IRF9: variants seen among roughly 807,000 people sequenced by gnomAD.
IRF9 encodes IFN-alpha-responsive transcription factor subunit.
In IRF9, 13 loss-of-function variants were observed where a neutral mutation model predicts 44.1. The observed-to-expected ratio is 0.29, with a 90% confidence interval of 0.19 to 0.47. The LOEUF is 0.47. IRF9 is among the 20% of genes least tolerant of loss of function. The pLI, the probability that IRF9 is intolerant of heterozygous loss-of-function variation, is 1.00. For synonymous variants in IRF9, 189 were observed against 188.5 expected, an observed-to-expected ratio of 1.00 and a Z score of -0.02; for missense variants, 373 against 496.1, an observed-to-expected ratio of 0.75 and a Z score of 2.36.
chr14:24,163,816 A>G (rs1237131475), intron 4 of IRF9, 62 bp from the exon 5 acceptor site: 29 of 1,509,202 alleles, frequency 1.9e-5, no homozygotes, highest in Non-Finnish European at 2.5e-5. Context: ...CAGCCTGGGC[A>G]ACAAGAGTGA....
rs1215880980 is a variant in IRF9, at chr14:24,164,229, G to A, written c.649+95G>A. On this transcript the variant is annotated intron_variant, in intron 6 of 8. Transcript: ENST00000396864. This position sits in a 1 kb window ranked among gnomAD's most constrained non-coding sequence, Gnocchi z 5.2. Reference sequence around the variant, plus strand: ...ATTATCTAGTCAGTCAGGGCTTACAGCAAACTGTACCCACATTACCATAGC... The same window carrying A: ...ATTATCTAGTCAGTCAGGGCTTACAACAAACTGTACCCACATTACCATAGC... 1.7e-5 allele frequency: 18 copies of A among 1,076,632 alleles called. No homozygotes were observed. The Admixed American group carries it at 3.2e-4, about 19-fold the overall frequency. The allele number at this position is 1,076,632 out of a possible 1,614,324, so 66.7% of individuals were successfully genotyped here.
At chr14:24,165,526 G>A (rs2038512139) in intron 7 of IRF9, 1 of 524,618 alleles carries the variant, frequency 1.9e-6, no homozygotes, top group East Asian at 3.3e-5. Flanking sequence ...GGGAGGATGT[G>A]AGCAAGTAGC....
Position 24,164,039 on chromosome 14 carries a change from C to G in IRF9, c.578-24C>G. On this transcript the variant is annotated intron_variant, in intron 5 of 8. Coordinates refer to ENST00000396864, the MANE Select transcript of IRF9 (RefSeq NM_006084.5). The surrounding 1 kb of genome is among the most constrained non-coding windows in gnomAD (Gnocchi z 5.2). ...GACTCCCCAGTCCCACTCTGAATGA[C>G]CAGTGCCTTTGCTTCCCTTCCAGTT... is the stretch of plus-strand genomic sequence containing the variant. The G allele has an allele frequency of 1.2e-6, 2 of 1,613,590 alleles. No individual in the cohort carries two copies. The highest frequency in any genetic ancestry group is 1.7e-6 in the Non-Finnish European group (2 of 1,179,552).
At chr14:24,163,609 G>A in intron 4 of IRF9, 101 bp downstream of exon 4, 1 of 1,387,532 alleles carries the variant, frequency 7.2e-7, no homozygotes, top group Non-Finnish European at 9.9e-7. Flanking sequence ...GGCCGAGGCT[G>A]GCAGATCACG....
At position 24,164,273 on chromosome 14, in the gene IRF9, G is replaced by A; in HGVS notation, c.649+139G>A. On this transcript the variant is annotated intron_variant, in intron 6 of 8. Coordinates refer to ENST00000396864, the MANE Select transcript of IRF9 (RefSeq NM_006084.5). The surrounding 1 kb of genome is among the most constrained non-coding windows in gnomAD (Gnocchi z 5.2). Reference sequence around the variant, plus strand: ...CCATAGCCCTAGGCAGTGGTTTCTAGGTGGCGAGAATTCCATATGCCTGGC... The same window carrying A: ...CCATAGCCCTAGGCAGTGGTTTCTAAGTGGCGAGAATTCCATATGCCTGGC... The A allele has an allele frequency of 1.3e-6, 1 of 776,592 alleles. No individual in the cohort carries two copies. The highest frequency in any genetic ancestry group is 1.7e-5 in the South Asian group (1 of 58,048). The allele number at this position is 776,592 out of a possible 1,614,324, so 48.1% of individuals were successfully genotyped here. A position where few individuals can be genotyped will look rare whatever the true frequency, so the allele number is the denominator to read the frequency against.
intron 8 of IRF9, 43 bp from the exon 9 acceptor site, chr14:24,166,079 G>A (rs1429694236): frequency 6.2e-7 from 1 of 1,603,228 alleles, no homozygotes; most frequent in Middle Eastern, 1.7e-4. Context: ...GTCTGTCCCT[G>A]ATGCACGCAC....
At chr14:24,161,699 C>CAG (rs796916404) in intron 1 of IRF9, among the ~76,000 whole-genome samples, 10 of 152,250 alleles carry the variant, frequency 6.6e-5, no homozygotes, top group African/African-American at 2.2e-4. Flanking sequence ...GGGTGGGGGT[C>CAG]AGGCTAGGTT....
chr14:24,162,061 T>C (rs1036595288), intron 1 of IRF9, 83 bp from the exon 2 acceptor site: 2 of 1,326,786 alleles, frequency 1.5e-6, no homozygotes, highest in African/African-American at 2.9e-5. Flanking sequence ...GTTGCCAGAA[T>C]CTAGTCTCAA....
intron 7 of IRF9, 167 bp downstream of exon 7, chr14:24,165,122 G>T: frequency 2.7e-6 from 2 of 744,706 alleles, no homozygotes; most frequent in Non-Finnish European, 2.4e-6. Context: ...GTGGCCATAT[G>T]CCCAGCCTGG....
rs955762978 is a variant in IRF9 at position 24,163,138 on chromosome 14, G to T, written c.353G>T (p.Gly118Val). 1 of 1,613,904 alleles carries T rather than the reference G, an allele frequency of 6.2e-7. No homozygotes were observed. The highest frequency in any genetic ancestry group is 1.7e-5 in the Admixed American group (1 of 60,016). ...PYKVYQLLPP[G>V]IVSGQPGTQK... Reference sequence around the variant, plus strand: ...AAGGTGTATCAGTTGCTGCCACCAGGAATCGTCTCTGGTGAGTTTCCCCTT... The same window carrying T: ...AAGGTGTATCAGTTGCTGCCACCAGTAATCGTCTCTGGTGAGTTTCCCCTT... Residue 118 changes from glycine to valine, a missense_variant, in exon 3 of 9, where the codon GGA (glycine) becomes GTA (valine). Around this residue, in one of 2 missense-constraint regions of IRF9, gnomAD observed 227 missense variants for 255.3 expected, o/e 0.89. Transcript: ENST00000396864.
Position 24,166,282 on chromosome 14 carries a change from C to A in IRF9, c.*86C>A, listed in dbSNP as rs899530695. The A allele has an allele frequency of 3.4e-6, 4 of 1,160,366 alleles. No homozygotes were observed. Among genetic ancestry groups the A allele is most frequent in the East Asian group, 2.5e-5 (1 of 40,710 alleles). The allele number at this position is 1,160,366 out of a possible 1,614,324, so 71.9% of individuals were successfully genotyped here. On this transcript the variant is annotated 3_prime_UTR_variant, in exon 9 of 9. Transcript: ENST00000396864. ...CTCATTCTTCACACGATTGACCTGTCCTCTTTGTGATAATTCTCAGTAGTT... is the reference window on the plus strand; with the variant it reads ...CTCATTCTTCACACGATTGACCTGTACTCTTTGTGATAATTCTCAGTAGTT...
Position 24,164,578 on chromosome 14 carries a change from C to A in IRF9, c.650-36C>A. 10 of 1,534,990 alleles carry A rather than the reference C, an allele frequency of 6.5e-6. No individual in the cohort carries two copies. The highest frequency in any genetic ancestry group is 8.8e-6 in the Non-Finnish European group (10 of 1,132,804). ...GGAGGGGCTGCTGCCAGCCTGCATG[C>A]TCCTCCAGCACCAGGTAGGGCTGTT... On this transcript the variant is annotated intron_variant, in intron 6 of 8. Transcript: ENST00000396864. This position sits in a 1 kb window ranked among gnomAD's most constrained non-coding sequence, Gnocchi z 5.2.
At chr14:24,162,076 C>A in intron 1 of IRF9, 68 bp from the exon 2 acceptor site, 1 of 1,466,744 alleles carries the variant, frequency 6.8e-7, no homozygotes, top group Non-Finnish European at 9.3e-7. Flanking sequence ...TCTCAATGGC[C>A]AGGGTCTCAG....
At position 24,162,254 on chromosome 14, in the gene IRF9, T is replaced by A; in HGVS notation, c.110T>A (p.Met37Lys). 1 of 1,614,156 alleles carries A rather than the reference T, an allele frequency of 6.2e-7. No individual in the cohort carries two copies. The highest frequency in any genetic ancestry group is 2.2e-5 in the East Asian group (1 of 44,876). The change falls in exon 2 of 9, where the codon ATG becomes AAG. Residue 37 changes from methionine (M) to lysine (K), a missense_variant. By Grantham distance (95) the Met-to-Lys change is moderately conservative (BLOSUM62 -1). Around this residue, in one of 2 missense-constraint regions of IRF9, gnomAD observed 227 missense variants for 255.3 expected, o/e 0.89. Coordinates refer to ENST00000396864, the MANE Select transcript of IRF9 (RefSeq NM_006084.5). Reference sequence around the variant, plus strand: ...TGCTGGGATGATACAGCTAAGACCATGTTCCGGATTCCCTGGAAACATGCA... The same window carrying A: ...TGCTGGGATGATACAGCTAAGACCAAGTTCCGGATTCCCTGGAAACATGCA... ...GVCWDDTAKT[M>K]FRIPWKHAGK...
At position 24,164,598 on chromosome 14, in the gene IRF9, G is replaced by A. The variant is rs1194825046; in HGVS notation, c.650-16G>A. On this transcript the variant is annotated splice_polypyrimidine_tract_variant and intron_variant, in intron 6 of 8. Coordinates refer to ENST00000396864, the MANE Select transcript of IRF9 (RefSeq NM_006084.5). The surrounding 1 kb of genome is among the most constrained non-coding windows in gnomAD (Gnocchi z 5.2). Reference sequence around the variant, plus strand: ...GCATGCTCCTCCAGCACCAGGTAGGGCTGTTCTATCCCCAGACTACTCACT... The same window carrying A: ...GCATGCTCCTCCAGCACCAGGTAGGACTGTTCTATCCCCAGACTACTCACT... 3 of 1,569,398 alleles carry A rather than the reference G, an allele frequency of 1.9e-6. No individual in the cohort carries two copies. The highest frequency in any genetic ancestry group is 2.3e-5 in the East Asian group (1 of 44,278).
Position 24,164,575 on chromosome 14 carries a change from A to T in IRF9, c.650-39A>T. ...TGGGGAGGGGCTGCTGCCAGCCTGC[A>T]TGCTCCTCCAGCACCAGGTAGGGCT... is the stretch of plus-strand genomic sequence containing the variant. On this transcript the variant is annotated intron_variant, in intron 6 of 8. Transcript: ENST00000396864. This position sits in a 1 kb window ranked among gnomAD's most constrained non-coding sequence, Gnocchi z 5.2. 2.0e-6 allele frequency: 3 copies of T among 1,532,338 alleles called. No individual in the cohort carries two copies. Among genetic ancestry groups the T allele is most frequent in the Non-Finnish European group, 2.7e-6 (3 of 1,131,034 alleles). The allele number at this position is 1,532,338 out of a possible 1,614,324, so 94.9% of individuals were successfully genotyped here.
chr14:24,165,126 A>AGCCTGGCAGCT (rs1352359640), intron 7 of IRF9, 171 bp downstream of exon 7: 1 of 735,914 alleles, frequency 1.4e-6, no homozygotes, highest in Non-Finnish European at 2.4e-6. Flanking sequence ...CCATATGCCC[A>AGCCTGGCAGCT]GCCTGGCAGC....
In IRF9 at chr14:24,166,278, C is replaced by T. The variant is rs548446571; in HGVS notation, c.*82C>T. ...TAGACTCATTCTTCACACGATTGACCTGTCCTCTTTGTGATAATTCTCAGT... is the reference window on the plus strand; with the variant it reads ...TAGACTCATTCTTCACACGATTGACTTGTCCTCTTTGTGATAATTCTCAGT... On this transcript the variant is annotated 3_prime_UTR_variant, in exon 9 of 9. Transcript: ENST00000396864. 5.0e-6 allele frequency: 6 copies of T among 1,199,968 alleles called. No homozygotes were observed. The highest frequency in any genetic ancestry group is 6.1e-6 in the Non-Finnish European group (5 of 821,886). 74.3% of individuals were successfully genotyped at this position (1,199,968 alleles called of 1,614,324 possible).
chr14:24,165,576 A>AACTCAGATGTGC, intron 7 of IRF9: 1 of 539,970 alleles, frequency 1.9e-6, no homozygotes, highest in Non-Finnish European at 3.3e-6. Flanking sequence ...CAGGGCTGCT[A>AACTCAGATGTGC]CCTGGGAGGA....
Sources: allele counts gnomAD v4.1 joint callset (sites outside exome capture counted in the v4.1 genomes callset), GRCh38; gene constraint gnomAD v4.1.1; regional missense constraint gnomAD v4.1.1; non-coding constraint Gnocchi (gnomAD v3.1); transcripts MANE v1.5; gene names NCBI Gene and HGNC (gene_info 2026-07-23, HGNC 2026-07-21).